Variants in NXPH1 observed in about 807,000 individuals in gnomAD.
NXPH1 encodes the protein neurexophilin 1.
Under a neutral mutation model 23.7 loss-of-function variants are expected in NXPH1, and 5 were observed. That is an observed-to-expected ratio of 0.21 (90% CI 0.11 to 0.44). The LOEUF (loss-of-function observed/expected upper bound fraction) is 0.44, where lower values mean the gene tolerates loss of function less well. NXPH1 is among the 20% of genes least tolerant of loss of function. NXPH1 has a pLI of 0.99. For missense variants in NXPH1, 324 were observed against 321.6 expected, an observed-to-expected ratio of 1.01 and a Z score of -0.06; for synonymous variants, 144 against 122.2, an observed-to-expected ratio of 1.18 and a Z score of -1.18.
intron 2 of NXPH1, among the ~76,000 whole-genome samples, chr7:8,732,213 G>A (rs913228946): frequency 5.3e-5 from 8 of 152,322 alleles, no homozygotes; most frequent in African/African-American, 7.2e-5. Flanking sequence ...TGCATGGTGC[G>A]CGCACCCACT....
intron 2 of NXPH1, among the ~76,000 whole-genome samples, chr7:8,737,283 T>C (rs1177756931): frequency 2.0e-5 from 3 of 152,086 alleles, no homozygotes; most frequent in Non-Finnish European, 4.4e-5. Context: ...TTTTCCTTTG[T>C]ATATTTAGTG....
At chr7:8,520,235 G>A (rs1486291292) in intron 2 of NXPH1, among the ~76,000 whole-genome samples, 1 of 152,144 alleles carries the variant, frequency 6.6e-6, no homozygotes, top group African/African-American at 2.4e-5. Context: ...GCCAGTAGTA[G>A]CTAGACAACC....
intron 2 of NXPH1, among the ~76,000 whole-genome samples, chr7:8,533,961 G>C (rs1817989114): frequency 6.6e-6 from 1 of 152,068 alleles, no homozygotes; most frequent in African/African-American, 2.4e-5. Flanking sequence ...AGAGGACTAA[G>C]CCCCAGAATA....
At chr7:8,462,745 G>A (rs901496409) in intron 2 of NXPH1, among the ~76,000 whole-genome samples, 1 of 152,172 alleles carries the variant, frequency 6.6e-6, no homozygotes, top group South Asian at 2.1e-4. Context: ...ATTTGCCAAT[G>A]AAAAAATAAA....
chr7:8,654,687 C>T (rs1008220541), intron 2 of NXPH1, among the ~76,000 whole-genome samples: 12 of 152,102 alleles, frequency 7.9e-5, no homozygotes, highest in African/African-American at 2.9e-4. Context: ...TCACTCAAGC[C>T]ACCTCTTTTC....
At position 8,613,495 on chromosome 7, in the gene NXPH1, G is replaced by T. The variant is rs75526535; in HGVS notation, c.55-137513G>T. Among the ~76,000 whole-genome samples, 682 of 151,976 alleles carry T rather than the reference G, an allele frequency of 4.5e-3. 9 individuals carry two copies. The highest frequency in any genetic ancestry group is 0.015 in the African/African-American group (635 of 41,508). ...AACAAGCTGAGTGGGAACACAGAGG[G>T]TATTTTTATTATAGTAAGACACTTG... On this transcript the variant is annotated intron_variant, in intron 2 of 2. Transcript: ENST00000405863.
chr7:8,554,432 T>A (rs771050180), intron 2 of NXPH1, among the ~76,000 whole-genome samples: 1 of 151,630 alleles, frequency 6.6e-6, no homozygotes, highest in Non-Finnish European at 1.5e-5. Flanking sequence ...CTGAGAATGT[T>A]GTGCTTATGG....
intron 2 of NXPH1, among the ~76,000 whole-genome samples, chr7:8,477,856 G>A (rs1424779119): frequency 6.6e-6 from 1 of 152,132 alleles, no homozygotes; most frequent in African/African-American, 2.4e-5. Context: ...AACCACGTAA[G>A]CTGATTGTCC....
intron 2 of NXPH1, among the ~76,000 whole-genome samples, chr7:8,682,149 G>A (rs1001925878): frequency 3.3e-5 from 5 of 152,174 alleles, no homozygotes; most frequent in Non-Finnish European, 7.3e-5. Context: ...GGGAGGGGCC[G>A]AGCAGGCAGT....
chr7:8,653,591 T>TCC (rs1820523772), intron 2 of NXPH1, among the ~76,000 whole-genome samples: 10 of 152,212 alleles, frequency 6.6e-5, no homozygotes, highest in Admixed American at 1.3e-4. Context: ...TTTTCAATTA[T>TCC]GGTAATGGCA....
At chr7:8,708,774 T>C (rs1779742296) in intron 2 of NXPH1, among the ~76,000 whole-genome samples, 1 of 152,200 alleles carries the variant, frequency 6.6e-6, no homozygotes, top group Non-Finnish European at 1.5e-5. Context: ...AAGGAAATTA[T>C]GAAATTCACT....
chr7:8,439,238 T>C (rs369508930), intron 2 of NXPH1, among the ~76,000 whole-genome samples: 5 of 152,224 alleles, frequency 3.3e-5, no homozygotes, highest in African/African-American at 1.2e-4. Flanking sequence ...TATTGAAGCA[T>C]ATATTGAATC....
intron 2 of NXPH1, among the ~76,000 whole-genome samples, chr7:8,702,268 C>T (rs375172614): frequency 1.1e-4 from 17 of 152,218 alleles, no homozygotes; most frequent in African/African-American, 4.1e-4. Context: ...CTAGCTGGAT[C>T]ATTACATATT....
At chr7:8,560,544 C>A (rs561999786) in intron 2 of NXPH1, among the ~76,000 whole-genome samples, 1 of 151,786 alleles carries the variant, frequency 6.6e-6, no homozygotes, top group South Asian at 2.1e-4. Context: ...GTATTTATTA[C>A]CCTTTCTGCA....
Position 8,740,713 on chromosome 7 carries a change from GT to G in NXPH1, c.55-10285del, listed in dbSNP as rs923782038. Among the ~76,000 whole-genome samples the G allele has an allele frequency of 6.9e-4, 101 of 146,362 alleles. 1 individual carries two copies. Among genetic ancestry groups the G allele is most frequent in the African/African-American group, 1.7e-3 (66 of 39,940 alleles). ...TTTTTGTTGCTTGTTTTTTGCTTTT[GT>G]TTTTTTTTTCCTTTAAATTTATTTA... On this transcript the variant is annotated intron_variant, in intron 2 of 2. Transcript: ENST00000405863.
chr7:8,512,271 G>C (rs553183884), intron 2 of NXPH1, among the ~76,000 whole-genome samples: 2 of 152,138 alleles, frequency 1.3e-5, no homozygotes, highest in African/African-American at 4.8e-5. Context: ...GGGGTTATGA[G>C]CTAGATCCCT....
chr7:8,444,012 G>A (rs142661054), intron 2 of NXPH1, among the ~76,000 whole-genome samples: 3 of 152,210 alleles, frequency 2.0e-5, no homozygotes, highest in Non-Finnish European at 4.4e-5. Context: ...AGTGCGCCCA[G>A]TTCCTCCACC....
intron 2 of NXPH1, among the ~76,000 whole-genome samples, chr7:8,681,606 A>G (rs1431541217): frequency 6.6e-6 from 1 of 152,224 alleles, no homozygotes; most frequent in African/African-American, 2.4e-5. Context: ...TGTAAAGGGC[A>G]ATTACAATAC....
chr7:8,689,052 C>CT (rs1367754289), intron 2 of NXPH1, among the ~76,000 whole-genome samples: 1 of 152,104 alleles, frequency 6.6e-6, no homozygotes, highest in African/African-American at 2.4e-5. Flanking sequence ...TGTTTGCTGA[C>CT]TGAGTATTTG....
Sources: gnomAD v4.1 joint callset for allele counts (sites outside exome capture counted in the v4.1 genomes callset) on GRCh38, gnomAD v4.1.1 for gene constraint, MANE v1.5 for transcripts, NCBI Gene and HGNC (gene_info 2026-07-23, HGNC 2026-07-21) for gene names.